Variants in MAGI1 observed in about 807,000 individuals in gnomAD.
The protein encoded by MAGI1 is membrane associated guanylate kinase, WW and PDZ domain containing 1.
A neutral mutation model predicts 139.9 loss-of-function variants in MAGI1; 58 were observed. The ratio of observed to expected loss-of-function variants is 0.41; its 90% confidence interval spans 0.34 to 0.52. The LOEUF is 0.52. Among genes scored for constraint, MAGI1 ranks in the 20% least tolerant of loss-of-function variants. The probability of loss-of-function intolerance (pLI) is 0.12; values close to 1 mark genes in which losing one functional copy is unlikely to be tolerated. For synonymous variants in MAGI1, 812 were observed against 737.9 expected (o/e 1.10, Z -1.63); for missense variants, 1,874 against 1,901.6 (o/e 0.99, Z 0.27).
intron 1 of MAGI1, among the ~76,000 whole-genome samples, chr3:65,795,220 A>G (rs2040046338): frequency 6.6e-6 from 1 of 152,258 alleles, no homozygotes; most frequent in Admixed American, 6.5e-5. Context: ...GAACATGTGC[A>G]TATGAAATAC....
At chr3:65,509,065 T>C (rs1466775749) in intron 2 of MAGI1, among the ~76,000 whole-genome samples, 1 of 152,226 alleles carries the variant, frequency 6.6e-6, no homozygotes, top group Non-Finnish European at 1.5e-5. Flanking sequence ...AACCTATTTA[T>C]CTAGCAGTTA....
At chr3:65,902,301 G>T (rs1417659517) in intron 1 of MAGI1, among the ~76,000 whole-genome samples, 1 of 152,184 alleles carries the variant, frequency 6.6e-6, no homozygotes, top group East Asian at 1.9e-4. Flanking sequence ...CTGACAAGGA[G>T]GGAAGCCACA....
intron 1 of MAGI1, among the ~76,000 whole-genome samples, chr3:65,964,851 G>A (rs975336945): frequency 1.3e-5 from 2 of 152,098 alleles, no homozygotes; most frequent in African/African-American, 4.8e-5. Flanking sequence ...CCACCCCCAA[G>A]TCCAACAGAT....
intron 1 of MAGI1, among the ~76,000 whole-genome samples, chr3:65,654,108 G>A (rs2085734553): frequency 6.6e-6 from 1 of 152,188 alleles, no homozygotes; most frequent in South Asian, 2.1e-4. Flanking sequence ...AACTCTAAAT[G>A]GTTACTTTAA....
intron 14 of MAGI1, chr3:65,387,235 T>G (rs748123432): frequency 9.3e-6 from 15 of 1,609,478 alleles, no homozygotes; most frequent in Non-Finnish European, 1.2e-5. Context: ...AGCTGGAATA[T>G]TAATTTCACA....
chr3:66,017,004 T>G (rs1560114425), intron 1 of MAGI1, among the ~76,000 whole-genome samples: 1 of 151,646 alleles, frequency 6.6e-6, no homozygotes, highest in Non-Finnish European at 1.5e-5. Context: ...GAATGGGGAG[T>G]TGGTAATAGG....
intron 2 of MAGI1, among the ~76,000 whole-genome samples, chr3:65,571,675 G>A (rs1038444771): frequency 1.3e-4 from 20 of 151,720 alleles, no homozygotes; most frequent in Non-Finnish European, 1.6e-4. Context: ...AAAGACATTT[G>A]GTAGGGTTTT....
At chr3:65,619,435 A>C (rs2083552237) in intron 2 of MAGI1, among the ~76,000 whole-genome samples, 1 of 152,182 alleles carries the variant, frequency 6.6e-6, no homozygotes, top group Non-Finnish European at 1.5e-5. Context: ...GAGCCTCCTA[A>C]AATGCACAGG....
chr3:65,366,625 G>C (rs1941442474), intron 18 of MAGI1, among the ~76,000 whole-genome samples: 1 of 152,116 alleles, frequency 6.6e-6, no homozygotes, highest in Admixed American at 6.6e-5. Context: ...TCAATTTCCT[G>C]GATGGGACTT....
chr3:65,665,666 G>A (rs2086467321), intron 1 of MAGI1, among the ~76,000 whole-genome samples: 1 of 152,054 alleles, frequency 6.6e-6, no homozygotes, highest in African/African-American at 2.4e-5. Flanking sequence ...AGTGTTCATG[G>A]TGACCTTATA....
intron 1 of MAGI1, among the ~76,000 whole-genome samples, chr3:65,989,779 C>T (rs1160124327): frequency 1.3e-5 from 2 of 152,122 alleles, no homozygotes; most frequent in Non-Finnish European, 2.9e-5. Context: ...CTCAAGTGAC[C>T]CGCCCACCTC....
intron 1 of MAGI1, among the ~76,000 whole-genome samples, chr3:65,963,380 G>A (rs1291478832): frequency 1.3e-5 from 2 of 150,308 alleles, no homozygotes; most frequent in Non-Finnish European, 2.9e-5. Context: ...CACTTTGGGA[G>A]GCCAAGGTGG....
At chr3:65,737,468 G>C (rs910086809) in intron 1 of MAGI1, among the ~76,000 whole-genome samples, 1 of 152,202 alleles carries the variant, frequency 6.6e-6, no homozygotes, top group Non-Finnish European at 1.5e-5. Flanking sequence ...TTATTCACCA[G>C]GTATGCCCTG....
At chr3:65,451,962 T>C (rs1949057415) in intron 6 of MAGI1, among the ~76,000 whole-genome samples, 1 of 152,092 alleles carries the variant, frequency 6.6e-6, no homozygotes, top group Admixed American at 6.6e-5. Flanking sequence ...TTTTGGAGCA[T>C]TTTGGACTTC....
chr3:65,451,365 AATG>A (rs1034511246), intron 6 of MAGI1, among the ~76,000 whole-genome samples: 1 of 152,198 alleles, frequency 6.6e-6, no homozygotes, highest in African/African-American at 2.4e-5. Flanking sequence ...GGCATCAAAT[AATG>A]ATTATTGTTC....
intron 12 of MAGI1, among the ~76,000 whole-genome samples, chr3:65,427,747 G>A (rs1397430837): frequency 6.6e-6 from 1 of 152,188 alleles, no homozygotes; most frequent in African/African-American, 2.4e-5. Flanking sequence ...ACCTCACAGG[G>A]AAGTGACAAA....
chr3:65,420,201 A>G (rs1404684531), intron 12 of MAGI1, among the ~76,000 whole-genome samples: 1 of 151,710 alleles, frequency 6.6e-6, no homozygotes, highest in Non-Finnish European at 1.5e-5. Context: ...TGGAATTCGA[A>G]CTCCAGGTCC....
chr3:65,756,408 A>T (rs1298128352), intron 1 of MAGI1, among the ~76,000 whole-genome samples: 1 of 152,234 alleles, frequency 6.6e-6, no homozygotes, highest in African/African-American at 2.4e-5. Context: ...ATGTACTAGT[A>T]AATTTAGAAC....
At chr3:65,597,772 G>T (rs774467295) in intron 2 of MAGI1, 36 of 456,638 alleles carry the variant, frequency 7.9e-5, no homozygotes, top group Middle Eastern at 6.5e-4. Flanking sequence ...GCAGGGGGCG[G>T]TGGAGGGGTG....
Sources: gnomAD v4.1 joint callset for allele counts (sites outside exome capture counted in the v4.1 genomes callset) on GRCh38, gnomAD v4.1.1 for gene constraint, MANE v1.5 for transcripts, NCBI Gene and HGNC (gene_info 2026-07-23, HGNC 2026-07-21) for gene names.